The following RAD51D variants were observed in gnomAD, a reference collection of about 807,000 sequenced individuals.
RAD51D encodes the protein RAD51 paralog D.
Under a neutral mutation model 44.1 loss-of-function variants are expected in RAD51D, and 38 were observed. That is an observed-to-expected ratio of 0.86 (90% CI 0.67 to 1.13). The LOEUF (loss-of-function observed/expected upper bound fraction) is 1.13. RAD51D is among the 50% of genes most tolerant of loss of function. RAD51D has a pLI of 0.00. For missense variants in RAD51D, 390 were observed against 414.0 expected (o/e 0.94, Z 0.50); for synonymous variants, 141 against 166.6 (o/e 0.85, Z 1.18).
At position 35,093,161 on chromosome 17, in the gene RAD51D, G is replaced by A. The variant is rs1416502686; in HGVS notation, c.*7792C>T. ...ATATGAGATTGAGTGCCTATATCAT[G>A]CCTGGAAAACTATTCAGTGTTTTAC... On this transcript the variant is annotated 3_prime_UTR_variant, in exon 10 of 10. Transcript: ENST00000345365. 1 of 152,104 alleles carries A rather than the reference G, an allele frequency of 6.6e-6. No homozygotes were observed. The highest frequency in any genetic ancestry group is 1.5e-5 in the Non-Finnish European group (1 of 68,024). The allele number at this position is 152,104 out of a possible 1,614,324, so 9.4% of individuals were successfully genotyped here. A position where few individuals can be genotyped will look rare whatever the true frequency, so the allele number is the denominator to read the frequency against.
intron 3 of RAD51D, among the ~76,000 whole-genome samples, chr17:35,115,010 A>C (rs1175477706): frequency 1.3e-5 from 2 of 152,170 alleles, no homozygotes; most frequent in African/African-American, 4.8e-5. Context: ...GGTATTCCCA[A>C]ATCCACCTTC....
Position 35,104,199 on chromosome 17 carries a change from A to AGAG in RAD51D, c.577-656_577-655insCTC, listed in dbSNP as rs545307925. On this transcript the variant is annotated intron_variant, in intron 6 of 9. Transcript: ENST00000345365. ...CAGCAGCCATCTCTCTCCTGTGTCC[A>AGAG]GCCTCCCACCATGGTGGTAAGGCCC... Among the ~76,000 whole-genome samples the AGAG allele has an allele frequency of 3.3e-4, 51 of 152,294 alleles. 1 individual carries two copies. Among genetic ancestry groups the AGAG allele is most frequent in the African/African-American group, 1.2e-3 (50 of 41,570 alleles).
intron 3 of RAD51D, among the ~76,000 whole-genome samples, chr17:35,118,161 G>A (rs1272635163): frequency 1.3e-5 from 2 of 152,340 alleles, no homozygotes; most frequent in East Asian, 1.9e-4. Context: ...ATTTAGCCAT[G>A]TCAGGAGACA....
At chr17:35,107,491 A>C (rs2142437811) in intron 3 of RAD51D, 44 bp from the exon 4 acceptor site, 1 of 1,425,992 alleles carries the variant, frequency 7.0e-7, no homozygotes, top group Middle Eastern at 1.7e-4. Flanking sequence ...GGTTAGGAGG[A>C]AGACAGGGGA....
chr17:35,114,668 G>A (rs571720937), intron 3 of RAD51D, among the ~76,000 whole-genome samples: 2 of 152,116 alleles, frequency 1.3e-5, no homozygotes, highest in South Asian at 2.1e-4. Context: ...CTCCTGCCTG[G>A]GCAACAGAGC....
At position 35,095,505 on chromosome 17, in the gene RAD51D, G is replaced by GA. The variant is rs2091481410; in HGVS notation, c.*5447dup. ...AACAAACAAAAGCTAAATTTGGCCT[G>GA]AGGGCTAGTCACAGTGGGTCATGCC... is the stretch of plus-strand genomic sequence containing the variant. On this transcript the variant is annotated 3_prime_UTR_variant, in exon 10 of 10. Coordinates refer to ENST00000345365, the MANE Select transcript of RAD51D (RefSeq NM_002878.4). The GA allele has an allele frequency of 6.6e-6, 1 of 151,858 alleles. No homozygotes were observed. Among genetic ancestry groups the GA allele is most frequent in the East Asian group, 1.9e-4 (1 of 5,142 alleles). 9.4% of individuals were successfully genotyped at this position (151,858 alleles called of 1,614,324 possible). A position where few individuals can be genotyped will look rare whatever the true frequency, so the allele number is the denominator to read the frequency against.
Position 35,106,450 on chromosome 17 carries a change from T to G in RAD51D, c.512A>C (p.His171Pro). The G allele has an allele frequency of 6.2e-7, 1 of 1,613,264 alleles. No individual in the cohort carries two copies. Among genetic ancestry groups the G allele is most frequent in the Non-Finnish European group, 8.5e-7 (1 of 1,179,678 alleles). The change falls in exon 6 of 10, where the codon CAT becomes CCT. Residue 171 changes from histidine (H) to proline (P), a missense_variant. By Grantham distance (77) the His-to-Pro change is moderately conservative. Transcript: ENST00000345365. The part of the protein sequence containing the change: ...AEALRRIQVV[H>P]AFDIFQMLDV... Reference sequence around the variant, plus strand: ...CAGCATCTGGAAGATGTCAAATGCATGCACCACCTGGATCCTCCGGAGAGC... The same window carrying G: ...CAGCATCTGGAAGATGTCAAATGCAGGCACCACCTGGATCCTCCGGAGAGC...
Position 35,118,397 on chromosome 17 carries a change from TA to T in RAD51D, c.263+103del, listed in dbSNP as rs147268486. Reference sequence around the variant, plus strand: ...CCTTTCCTTCCCATCCATTATTGGTTAAAAAAAAAACCCCTCCCGTCTAGAC... The same window carrying T: ...CCTTTCCTTCCCATCCATTATTGGTTAAAAAAAAACCCCTCCCGTCTAGAC... On this transcript the variant is annotated intron_variant, in intron 3 of 9. Transcript: ENST00000345365. The T allele has an allele frequency of 4.8e-3, 4,019 of 840,304 alleles. 1 individual carries two copies. The highest frequency in any genetic ancestry group is 5.6e-3 in the Admixed American group (270 of 48,476). 52.1% of individuals were successfully genotyped at this position (840,304 alleles called of 1,614,324 possible).
At chr17:35,115,318 G>A (rs2091723656) in intron 3 of RAD51D, 2 of 515,478 alleles carry the variant, frequency 3.9e-6, no homozygotes, top group Non-Finnish European at 7.7e-6. Context: ...TGAGGGGACT[G>A]TGGGATGAAC....
chr17:35,107,372 T>G lies in RAD51D; in HGVS notation c.339A>C (p.Lys113Asn), dbSNP rs786202507. ...CTGCTGGCCTCACATGTACCTGAGTTTTGCCGCTACCTGGGCCTCCTACAA... is the reference window on the plus strand; with the variant it reads ...CTGCTGGCCTCACATGTACCTGAGTGTTGCCGCTACCTGGGCCTCCTACAA... ...TEIVGGPGSG[K>N]TQVCLCMAAN... The change falls in exon 4 of 10, where the codon AAA (lysine) becomes AAC (asparagine). Residue 113 changes from lysine (K) to asparagine (N), a missense_variant. Transcript: ENST00000345365. 2.6e-6 allele frequency: 4 copies of G among 1,551,654 alleles called. No homozygotes were observed. Among genetic ancestry groups the G allele is most frequent in the Non-Finnish European group, 3.6e-6 (4 of 1,123,396 alleles).
intron 3 of RAD51D, among the ~76,000 whole-genome samples, chr17:35,107,737 CTTTT>C (rs34531142): frequency 3.2e-5 from 3 of 94,006 alleles, no homozygotes; most frequent in East Asian, 4.3e-4. Flanking sequence ...TGTGGGTTTC[CTTTT>C]TTTTTTTTTT....
intron 3 of RAD51D, among the ~76,000 whole-genome samples, chr17:35,114,196 C>A (rs549780824): frequency 1.3e-5 from 2 of 152,064 alleles, no homozygotes; most frequent in East Asian, 3.9e-4. Flanking sequence ...GGCATGAACC[C>A]GGGAGGTGGA....
chr17:35,119,310 C>T (rs2091792660), intron 1 of RAD51D, 138 bp from the exon 2 acceptor site: 1 of 944,924 alleles, frequency 1.1e-6, no homozygotes, highest in Admixed American at 1.9e-5. Context: ...AATAACAAAG[C>T]TGCAGGAGCC....
chr17:35,119,737 A>T lies in RAD51D; in HGVS notation c.-124T>A. 1.1e-6 allele frequency: 1 copy of T among 937,966 alleles called. No homozygotes were observed. Among genetic ancestry groups the T allele is most frequent in the Non-Finnish European group, 1.7e-6 (1 of 594,778 alleles). The allele number at this position is 937,966 out of a possible 1,614,324, so 58.1% of individuals were successfully genotyped here. On this transcript the variant is annotated 5_prime_UTR_variant, in exon 1 of 10. Transcript: ENST00000345365. ...AGGACACAGGCGCGCTGGCTGCCGGAGGAGAAAGGAGAGAGGAGGAGGCGG... is the reference window on the plus strand; with the variant it reads ...AGGACACAGGCGCGCTGGCTGCCGGTGGAGAAAGGAGAGAGGAGGAGGCGG...
intron 3 of RAD51D, among the ~76,000 whole-genome samples, chr17:35,108,072 G>C (rs1476045256): frequency 6.6e-6 from 1 of 151,356 alleles, no homozygotes; most frequent in African/African-American, 2.4e-5. Flanking sequence ...CCTTGATAGC[G>C]TTTCCCAAAA....
rs1373258801 is a variant in RAD51D at position 35,097,744 on chromosome 17, C to T, written c.*3209G>A. On this transcript the variant is annotated 3_prime_UTR_variant, in exon 10 of 10. Transcript: ENST00000345365. ...CATAATGTATAAAGAGAAAAAGTGA[C>T]AAAAAGTGGGAGCCTGTAGGCAGAC... is the stretch of plus-strand genomic sequence containing the variant. The T allele has an allele frequency of 6.6e-6, 1 of 152,076 alleles. No individual in the cohort carries two copies. Among genetic ancestry groups the T allele is most frequent in the South Asian group, 2.1e-4 (1 of 4,808 alleles). The allele number at this position is 152,076 out of a possible 1,614,324, so 9.4% of individuals were successfully genotyped here.
chr17:35,097,095 T>A lies in RAD51D; in HGVS notation c.*3858A>T, dbSNP rs2091490587. The A allele has an allele frequency of 6.6e-6, 1 of 151,710 alleles. No homozygotes were observed. The highest frequency in any genetic ancestry group is 1.5e-5 in the Non-Finnish European group (1 of 67,978). The allele number at this position is 151,710 out of a possible 1,614,324, so 9.4% of individuals were successfully genotyped here. A position where few individuals can be genotyped will look rare whatever the true frequency, so the allele number is the denominator to read the frequency against. On this transcript the variant is annotated 3_prime_UTR_variant, in exon 10 of 10. Transcript: ENST00000345365. Reference sequence around the variant, plus strand: ...TAAAAAGATATGTAAGAAGACACTCTGGGGACTCAATGATGTGGGTGTGAA... The same window carrying A: ...TAAAAAGATATGTAAGAAGACACTCAGGGGACTCAATGATGTGGGTGTGAA...
chr17:35,108,266 C>G (rs997626391), intron 3 of RAD51D, among the ~76,000 whole-genome samples: 1 of 151,544 alleles, frequency 6.6e-6, no homozygotes, highest in African/African-American at 2.4e-5. Context: ...CAAACAACAA[C>G]AACAACAACA....
Position 35,100,583 on chromosome 17 carries a change from C to T in RAD51D, c.*370G>A. On this transcript the variant is annotated 3_prime_UTR_variant, in exon 10 of 10. Coordinates refer to ENST00000345365, the MANE Select transcript of RAD51D (RefSeq NM_002878.4). ...GTTAGAGGCTTTCCCGGCTTGGCCA[C>T]TGCGCTAGGAGGGAGCACAGGACAC... The T allele has an allele frequency of 1.8e-6, 1 of 551,830 alleles. No individual in the cohort carries two copies. Among genetic ancestry groups the T allele is most frequent in the Non-Finnish European group, 3.5e-6 (1 of 289,084 alleles). 34.2% of individuals were successfully genotyped at this position (551,830 alleles called of 1,614,324 possible).
Sources: allele counts gnomAD v4.1 joint callset (sites outside exome capture counted in the v4.1 genomes callset), GRCh38; gene constraint gnomAD v4.1.1; transcripts MANE v1.5; gene names NCBI Gene and HGNC (gene_info 2026-07-23, HGNC 2026-07-21).